The following TSPAN12 variants were observed in gnomAD, a reference collection of about 807,000 sequenced individuals.
TSPAN12 encodes the protein tetraspanin-12.
Under a neutral mutation model 39.2 loss-of-function variants are expected in TSPAN12, and 19 were observed. The observed-to-expected ratio is 0.49, with a 90% confidence interval of 0.34 to 0.71. The LOEUF is 0.71. Among genes scored for constraint, TSPAN12 ranks in the 30% least tolerant of loss-of-function variants. The pLI is 0.01. For missense variants in TSPAN12, 314 were observed against 359.9 expected (o/e 0.87, Z 1.03); for synonymous variants, 119 against 124.8 (o/e 0.95, Z 0.31).
intron 4 of TSPAN12, among the ~76,000 whole-genome samples, chr7:120,822,272 T>C (rs1794202003): frequency 6.6e-6 from 1 of 152,018 alleles, no homozygotes; most frequent in South Asian, 2.1e-4. Flanking sequence ...TAGTAAAATC[T>C]CAAGGAAGGC....
At chr7:120,820,594 G>T (rs574011572) in intron 4 of TSPAN12, among the ~76,000 whole-genome samples, 2 of 152,072 alleles carry the variant, frequency 1.3e-5, no homozygotes, top group African/African-American at 4.8e-5. Flanking sequence ...CTGTATTTCA[G>T]GTCTCAGAGA....
intron 4 of TSPAN12, 24 bp downstream of exon 4, chr7:120,838,753 T>A: frequency 6.2e-7 from 1 of 1,609,770 alleles, no homozygotes; most frequent in Non-Finnish European, 8.5e-7. Flanking sequence ...TTAACTATAA[T>A]AAAGAGAAAA....
rs181280235 is a variant in TSPAN12 at position 120,804,125 on chromosome 7, G to A, written c.612+2424C>T. Among the ~76,000 whole-genome samples the A allele has an allele frequency of 7.1e-4, 108 of 152,038 alleles. 1 individual carries two copies. Among genetic ancestry groups the A allele is most frequent in the Non-Finnish European group, 1.1e-3 (74 of 67,964 alleles). Reference sequence around the variant, plus strand: ...GCCCAATAATTGTCCATATTGACTCGCTACCAGTAAAAACTAACAAATGGA... The same window carrying A: ...GCCCAATAATTGTCCATATTGACTCACTACCAGTAAAAACTAACAAATGGA... On this transcript the variant is annotated intron_variant, in intron 7 of 7. Coordinates refer to ENST00000222747, the MANE Select transcript of TSPAN12 (RefSeq NM_012338.4).
chr7:120,853,075 C>CA (rs998803511), intron 2 of TSPAN12, among the ~76,000 whole-genome samples: 38 of 148,796 alleles, frequency 2.6e-4, no homozygotes, highest in Non-Finnish European at 4.7e-4. Context: ...ACTATTCTAA[C>CA]AAAAATCCCA....
At chr7:120,853,471 G>GATATATATATATATATATAT (rs375897054) in intron 2 of TSPAN12, among the ~76,000 whole-genome samples, 3 of 138,134 alleles carry the variant, frequency 2.2e-5, no homozygotes, top group African/African-American at 7.8e-5. Flanking sequence ...AAGAAATGCA[G>GATATATATATATATATATAT]ATATATATAT....
chr7:120,845,826 T>C (rs573500667), intron 2 of TSPAN12, among the ~76,000 whole-genome samples: 59 of 152,320 alleles, frequency 3.9e-4, no homozygotes, highest in African/African-American at 1.4e-3. Context: ...TTTCAAACTG[T>C]TCAAATTTCT....
chr7:120,796,079 T>G (rs559612851), intron 7 of TSPAN12, among the ~76,000 whole-genome samples: 2 of 152,106 alleles, frequency 1.3e-5, no homozygotes, highest in African/African-American at 4.8e-5. Flanking sequence ...AAAAAAAATG[T>G]ATTTACAAAG....
chr7:120,850,903 T>C (rs1794758634), intron 2 of TSPAN12, among the ~76,000 whole-genome samples: 1 of 152,162 alleles, frequency 6.6e-6, no homozygotes, highest in African/African-American at 2.4e-5. Flanking sequence ...TTGGTCAGCC[T>C]GGTCTCGAAC....
chr7:120,811,340 A>G (rs997756316), intron 5 of TSPAN12, among the ~76,000 whole-genome samples: 1 of 152,218 alleles, frequency 6.6e-6, no homozygotes, highest in Non-Finnish European at 1.5e-5. Flanking sequence ...ATGTGGAACC[A>G]GCCCAAGCCC....
In TSPAN12 at chr7:120,788,291, G is replaced by A. The variant is rs1793447442; in HGVS notation, c.*301C>T. 2.5e-6 allele frequency: 1 copy of A among 402,306 alleles called. No homozygotes were observed. Among genetic ancestry groups the A allele is most frequent in the Non-Finnish European group, 4.6e-6 (1 of 217,590 alleles). 24.9% of individuals were successfully genotyped at this position (402,306 alleles called of 1,614,324 possible). The stretch of plus-strand genomic sequence containing the variant: ...TATGTGACTCGTTTGCATGGATGCG[G>A]AAATGCTAATCAAACCATGCTGCCT... On this transcript the variant is annotated 3_prime_UTR_variant, in exon 8 of 8. Transcript: ENST00000222747.
intron 2 of TSPAN12, among the ~76,000 whole-genome samples, chr7:120,850,208 A>G (rs1794744750): frequency 6.6e-6 from 1 of 152,198 alleles, no homozygotes; most frequent in Admixed American, 6.5e-5. Context: ...ATCACCCTGG[A>G]GCTGTTCTGA....
intron 2 of TSPAN12, among the ~76,000 whole-genome samples, chr7:120,855,222 T>C (rs1407704659): frequency 2.0e-5 from 3 of 152,230 alleles, no homozygotes; most frequent in Non-Finnish European, 2.9e-5. Context: ...AGACACTGTC[T>C]AGGGGCAAGA....
intron 6 of TSPAN12, among the ~76,000 whole-genome samples, chr7:120,808,547 C>G (rs371869768): frequency 6.6e-6 from 1 of 152,172 alleles, no homozygotes; most frequent in African/African-American, 2.4e-5. Flanking sequence ...AGGCCTTTGA[C>G]AGTCAAGTAG....
chr7:120,823,234 C>A (rs1411050772), intron 4 of TSPAN12, among the ~76,000 whole-genome samples: 1 of 151,780 alleles, frequency 6.6e-6, no homozygotes, highest in Non-Finnish European at 1.5e-5. Context: ...CCCATGATAT[C>A]CTTTTACTAC....
In TSPAN12 at chr7:120,837,607, C is replaced by T. The variant is rs1217943492; in HGVS notation, c.285+1170G>A. Reference sequence around the variant, plus strand: ...GATTACAGGCGTGAGCCACCTTGCCCGGCCTGAGTGTGCTTTATTTTCTAT... The same window carrying T: ...GATTACAGGCGTGAGCCACCTTGCCTGGCCTGAGTGTGCTTTATTTTCTAT... On this transcript the variant is annotated intron_variant, in intron 4 of 7. Coordinates refer to ENST00000222747, the MANE Select transcript of TSPAN12 (RefSeq NM_012338.4). Among the ~76,000 whole-genome samples the T allele has an allele frequency of 2.6e-5, 4 of 152,100 alleles. No homozygotes were observed. The East Asian group carries it at 5.8e-4, about 22-fold the overall frequency.
At chr7:120,817,801 G>T (rs1356317422) in intron 4 of TSPAN12, among the ~76,000 whole-genome samples, 1 of 152,084 alleles carries the variant, frequency 6.6e-6, no homozygotes, top group Non-Finnish European at 1.5e-5. Flanking sequence ...ATTTACAGTG[G>T]GAGGTCAGGG....
At chr7:120,823,609 G>T (rs914884094) in intron 4 of TSPAN12, among the ~76,000 whole-genome samples, 2 of 152,116 alleles carry the variant, frequency 1.3e-5, no homozygotes, top group Non-Finnish European at 2.9e-5. Context: ...CAGCAGGAAA[G>T]GGTGCCAGTT....
chr7:120,805,676 A>G (rs571183237), intron 7 of TSPAN12, among the ~76,000 whole-genome samples: 2 of 152,082 alleles, frequency 1.3e-5, no homozygotes, highest in Non-Finnish European at 2.9e-5. Flanking sequence ...ACAAAACTTT[A>G]TGTGATGATA....
At chr7:120,810,756 T>C (rs1162136698) in intron 5 of TSPAN12, among the ~76,000 whole-genome samples, 186 bp from the exon 6 acceptor site, 2 of 152,190 alleles carry the variant, frequency 1.3e-5, no homozygotes, top group Admixed American at 6.5e-5. Flanking sequence ...AATGTAGTTA[T>C]TGGACAATCT....
Sources: gnomAD v4.1 joint callset for allele counts (sites outside exome capture counted in the v4.1 genomes callset) on GRCh38, gnomAD v4.1.1 for gene constraint, MANE v1.5 for transcripts, NCBI Gene and HGNC (gene_info 2026-07-23, HGNC 2026-07-21) for gene names.